The following SNTB1 variants were observed in gnomAD, a reference collection of about 807,000 sequenced individuals.
The protein encoded by SNTB1 is syntrophin beta 1, also known as beta-1-syntrophin.
Under a neutral mutation model 48.9 loss-of-function variants are expected in SNTB1, and 36 were observed. The ratio of observed to expected loss-of-function variants is 0.74; its 90% CI spans 0.56 to 0.97. The LOEUF (loss-of-function observed/expected upper bound fraction) is 0.97, where lower values mean the gene tolerates loss of function less well. Among genes scored for constraint, SNTB1 ranks in the 50% least tolerant of loss-of-function variants. SNTB1 has a pLI of 0.00. For missense variants in SNTB1, 786 were observed against 703.4 expected (o/e 1.12, Z -1.33); for synonymous variants, 299 against 294.6 (o/e 1.01, Z -0.15).
intron 2 of SNTB1, among the ~76,000 whole-genome samples, chr8:120,653,660 C>A (rs562392027): frequency 2.2e-3 from 329 of 152,154 alleles, no homozygotes; most frequent in African/African-American, 7.5e-3. Flanking sequence ...AATATATGGG[C>A]GCTTAAAGAT....
intron 2 of SNTB1, among the ~76,000 whole-genome samples, chr8:120,665,424 G>A (rs952616710): frequency 1.2e-4 from 18 of 151,314 alleles, no homozygotes; most frequent in African/African-American, 4.1e-4. Context: ...TCCAGCCTGG[G>A]CAATAGAGCA....
At chr8:120,627,130 C>T (rs1037621921) in intron 3 of SNTB1, among the ~76,000 whole-genome samples, 6 of 152,058 alleles carry the variant, frequency 3.9e-5, no homozygotes, top group Admixed American at 1.3e-4. Flanking sequence ...TTGAAAGAAG[C>T]GATGTGATTG....
chr8:120,739,797 G>C (rs1364657779), intron 1 of SNTB1, among the ~76,000 whole-genome samples: 1 of 152,160 alleles, frequency 6.6e-6, no homozygotes, highest in Non-Finnish European at 1.5e-5. Flanking sequence ...CTTGTCGAGT[G>C]CTTTTTAACT....
chr8:120,614,709 T>C (rs1022943571), intron 3 of SNTB1, among the ~76,000 whole-genome samples: 1 of 152,118 alleles, frequency 6.6e-6, no homozygotes, highest in African/African-American at 2.4e-5. Context: ...TCAACTTTTC[T>C]CCCTATTTCA....
intron 4 of SNTB1, among the ~76,000 whole-genome samples, chr8:120,572,014 C>T (rs1815863329): frequency 6.6e-6 from 1 of 152,126 alleles, no homozygotes; most frequent in Non-Finnish European, 1.5e-5. Context: ...GCCCCACCCC[C>T]GCTGCTGGTC....
At chr8:120,735,183 C>T (rs1818923256) in intron 1 of SNTB1, among the ~76,000 whole-genome samples, 1 of 152,150 alleles carries the variant, frequency 6.6e-6, no homozygotes, top group African/African-American at 2.4e-5. Context: ...TTTACACAAA[C>T]CCCAAAGGCA....
intron 1 of SNTB1, among the ~76,000 whole-genome samples, chr8:120,708,716 C>T (rs1455155015): frequency 1.3e-5 from 2 of 152,058 alleles, no homozygotes; most frequent in African/African-American, 4.8e-5. Context: ...AAGTATATGA[C>T]TACTTAAGTG....
At chr8:120,567,311 C>T (rs1331414416) in intron 4 of SNTB1, among the ~76,000 whole-genome samples, 3 of 151,974 alleles carry the variant, frequency 2.0e-5, no homozygotes, top group Admixed American at 6.6e-5. Context: ...AGGTAATTCT[C>T]ATATTGGGCA....
chr8:120,796,257 C>A lies in SNTB1; in HGVS notation c.571+15016G>T, dbSNP rs113005857. Among the ~76,000 whole-genome samples the A allele has an allele frequency of 2.6e-3, 398 of 152,126 alleles. 3 individuals carry two copies. The highest frequency in any genetic ancestry group is 9.2e-3 in the African/African-American group (381 of 41,514). On this transcript the variant is annotated intron_variant, in intron 1 of 6. Coordinates refer to ENST00000517992, the MANE Select transcript of SNTB1 (RefSeq NM_021021.4). Reference sequence around the variant, plus strand: ...CCAGCCAGGATTCCTGTACAGCCTGCAGAATCATGAGCCAATTAAACCTCT... The same window carrying A: ...CCAGCCAGGATTCCTGTACAGCCTGAAGAATCATGAGCCAATTAAACCTCT...
At chr8:120,700,855 G>A (rs749794351) in intron 1 of SNTB1, among the ~76,000 whole-genome samples, 2 of 152,104 alleles carry the variant, frequency 1.3e-5, no homozygotes, top group Admixed American at 1.3e-4. Flanking sequence ...CTAAGGAGCC[G>A]GAAAGTCCGT....
At chr8:120,750,055 T>C (rs2130029724) in intron 1 of SNTB1, among the ~76,000 whole-genome samples, 1 of 152,316 alleles carries the variant, frequency 6.6e-6, no homozygotes, top group African/African-American at 2.4e-5. Flanking sequence ...GAAAGCTTGG[T>C]TGAGCTTGCA....
intron 2 of SNTB1, among the ~76,000 whole-genome samples, chr8:120,672,303 A>G (rs1817771710): frequency 6.6e-6 from 1 of 152,252 alleles, no homozygotes; most frequent in Non-Finnish European, 1.5e-5. Flanking sequence ...TTGAAAATAT[A>G]AACGAATAAA....
chr8:120,678,401 A>C (rs962399407), intron 2 of SNTB1, among the ~76,000 whole-genome samples: 2 of 152,184 alleles, frequency 1.3e-5, no homozygotes, highest in African/African-American at 4.8e-5. Context: ...TTCTGAGAAG[A>C]GTAAAAAACG....
intron 1 of SNTB1, among the ~76,000 whole-genome samples, chr8:120,771,123 G>A (rs1740824825): frequency 6.6e-6 from 1 of 152,200 alleles, no homozygotes; most frequent in South Asian, 2.1e-4. Flanking sequence ...GGATTTGTGG[G>A]CGGAACAGAA....
At chr8:120,802,686 T>C (rs1251541626) in intron 1 of SNTB1, among the ~76,000 whole-genome samples, 4 of 152,150 alleles carry the variant, frequency 2.6e-5, no homozygotes, top group Non-Finnish European at 5.9e-5. Context: ...TTGAATGCTA[T>C]TGTATTATTG....
chr8:120,703,572 T>C (rs921359214), intron 1 of SNTB1, among the ~76,000 whole-genome samples: 1 of 152,218 alleles, frequency 6.6e-6, no homozygotes, highest in African/African-American at 2.4e-5. Flanking sequence ...CACTCTATCC[T>C]GTAAAATGGA....
chr8:120,551,535 G>T (rs1035818355), intron 4 of SNTB1, among the ~76,000 whole-genome samples: 1 of 151,590 alleles, frequency 6.6e-6, no homozygotes, highest in African/African-American at 2.4e-5. Context: ...GACCATCCTG[G>T]CTAACACAGT....
rs947942702 is a variant in SNTB1, at chr8:120,733,361, C to T, written c.572-39453G>A. Among the ~76,000 whole-genome samples, 15 of 152,328 alleles carry T rather than the reference C, an allele frequency of 9.8e-5. 1 individual carries two copies. The South Asian group carries it at 1.7e-3, about 17-fold the overall frequency. On this transcript the variant is annotated intron_variant, in intron 1 of 6. Coordinates refer to ENST00000517992, the MANE Select transcript of SNTB1 (RefSeq NM_021021.4). ...TGGCAATTGGTGGTCCACGCATAGG[C>T]GTCTGTGTCATTTTCCTCCATACAA...
chr8:120,612,733 A>T (rs1587031376), intron 3 of SNTB1, among the ~76,000 whole-genome samples: 2 of 152,260 alleles, frequency 1.3e-5, no homozygotes, highest in South Asian at 4.1e-4. Context: ...TTGTATTTTT[A>T]GTAGAGACAA....
Sources: allele counts gnomAD v4.1 joint callset (sites outside exome capture counted in the v4.1 genomes callset), GRCh38; gene constraint gnomAD v4.1.1; transcripts MANE v1.5; gene names NCBI Gene and HGNC (gene_info 2026-07-23, HGNC 2026-07-21).